The following AFAP1 variants were observed in gnomAD, a reference collection of about 807,000 sequenced individuals.
AFAP1 encodes the protein actin filament-associated protein 1.
Under a neutral mutation model 93.9 loss-of-function variants are expected in AFAP1, and 75 were observed. That is an observed-to-expected ratio of 0.80 (90% CI 0.66 to 0.97). The LOEUF is 0.97. AFAP1 is among the 50% of genes least tolerant of loss of function. The pLI is 0.00. For synonymous variants in AFAP1, 517 were observed against 430.7 expected, an observed-to-expected ratio of 1.20 and a Z score of -2.48; for missense variants, 1,201 against 1,050.8, an observed-to-expected ratio of 1.14 and a Z score of -1.98.
intron 7 of AFAP1, among the ~76,000 whole-genome samples, chr4:7,816,321 T>C (rs935602665): frequency 6.6e-6 from 1 of 152,170 alleles, no homozygotes; most frequent in Non-Finnish European, 1.5e-5. Context: ...AAAACCTCAC[T>C]GAGGCTATAA....
intron 14 of AFAP1, chr4:7,776,079 G>A (rs1290659684): frequency 6.6e-6 from 1 of 152,194 alleles, no homozygotes; most frequent in Non-Finnish European, 1.5e-5. Flanking sequence ...CTCGGATGGA[G>A]GATCACCGAT....
At chr4:7,914,613 A>G (rs1719968111) in intron 1 of AFAP1, among the ~76,000 whole-genome samples, 1 of 152,182 alleles carries the variant, frequency 6.6e-6, no homozygotes, top group African/African-American at 2.4e-5. Context: ...ACAGAGGTAC[A>G]GATGCCCCTC....
intron 1 of AFAP1, among the ~76,000 whole-genome samples, chr4:7,900,338 G>A (rs371356418): frequency 1.7e-4 from 1 of 6,022 alleles, no homozygotes; most frequent in East Asian, 2.0e-3. Context: ...TGCGCATCTA[G>A]CACATTTAGC....
intron 14 of AFAP1, 73 bp downstream of exon 14, chr4:7,778,689 G>T: frequency 6.9e-7 from 1 of 1,441,914 alleles, no homozygotes; most frequent in Non-Finnish European, 9.8e-7. Flanking sequence ...TCACGGGTGG[G>T]CAGGCTCAGA....
At chr4:7,891,246 A>G (rs1718451607) in intron 1 of AFAP1, among the ~76,000 whole-genome samples, 1 of 152,270 alleles carries the variant, frequency 6.6e-6, no homozygotes. Context: ...CAGGAAGCAG[A>G]TGAGCGGTTG....
At chr4:7,929,432 G>A (rs1720942166) in intron 1 of AFAP1, among the ~76,000 whole-genome samples, 1 of 152,188 alleles carries the variant, frequency 6.6e-6, no homozygotes, top group South Asian at 2.1e-4. Flanking sequence ...AGAGAATTCA[G>A]GAAAAGCTGA....
intron 11 of AFAP1, among the ~76,000 whole-genome samples, chr4:7,788,034 A>T (rs903965198): frequency 1.3e-5 from 2 of 152,142 alleles, no homozygotes; most frequent in African/African-American, 4.8e-5. Context: ...ACCGCCCTGC[A>T]TCTGCGTCCT....
intron 1 of AFAP1, among the ~76,000 whole-genome samples, chr4:7,918,927 A>AAACAGGGC (rs1720269682): frequency 6.7e-6 from 1 of 148,582 alleles, no homozygotes; most frequent in East Asian, 2.0e-4. Flanking sequence ...GGGCTGCCGG[A>AAACAGGGC]TGAGACACTC....
At chr4:7,789,947 T>C (rs1717714225) in intron 11 of AFAP1, among the ~76,000 whole-genome samples, 1 of 152,248 alleles carries the variant, frequency 6.6e-6, no homozygotes, top group Non-Finnish European at 1.5e-5. Flanking sequence ...ATGTTTCGAT[T>C]GTTTACCATT....
At chr4:7,937,339 A>G (rs967233440) in intron 1 of AFAP1, among the ~76,000 whole-genome samples, 1 of 152,248 alleles carries the variant, frequency 6.6e-6, no homozygotes, top group Non-Finnish European at 1.5e-5. Context: ...ATTTTTCTCT[A>G]CTATATTTGC....
chr4:7,886,366 A>G (rs1284822088), intron 1 of AFAP1, among the ~76,000 whole-genome samples: 3 of 152,230 alleles, frequency 2.0e-5, no homozygotes, highest in Non-Finnish European at 4.4e-5. Context: ...AATCAAATCT[A>G]TTTATAGCTC....
In AFAP1 at chr4:7,938,506, G is replaced by C. The variant is rs28621480; in HGVS notation, c.-3+1150C>G. ...GTGGCTGAGAAATACAGCGTCTGAG[G>C]GGCAGCATCAGGTCTTCCCATCAAG... On this transcript the variant is annotated intron_variant, in intron 1 of 17. Coordinates refer to ENST00000420658, the MANE Select transcript of AFAP1 (RefSeq NM_001134647.2). Among the ~76,000 whole-genome samples, 374 of 152,190 alleles carry C rather than the reference G, an allele frequency of 2.5e-3. 2 individuals are homozygous for C. The highest frequency in any genetic ancestry group is 8.5e-3 in the African/African-American group (351 of 41,528).
intron 6 of AFAP1, among the ~76,000 whole-genome samples, chr4:7,821,837 G>A (rs1158940315): frequency 2.0e-5 from 3 of 152,144 alleles, no homozygotes; most frequent in Admixed American, 2.0e-4. Flanking sequence ...CAGCCATTTT[G>A]CTCCTCAGCT....
intron 6 of AFAP1, among the ~76,000 whole-genome samples, chr4:7,831,625 TTCA>T (rs1189968518): frequency 6.6e-6 from 1 of 152,180 alleles, no homozygotes; most frequent in Non-Finnish European, 1.5e-5. Context: ...CCAGGATGAC[TTCA>T]TGTCAGACCA....
At chr4:7,800,146 C>T (rs1718883554) in intron 10 of AFAP1, among the ~76,000 whole-genome samples, 1 of 152,126 alleles carries the variant, frequency 6.6e-6, no homozygotes, top group South Asian at 2.1e-4. Context: ...TTTAATTTCC[C>T]TGCAACCAGG....
chr4:7,813,326 A>G (rs1166247133), intron 8 of AFAP1, among the ~76,000 whole-genome samples: 1 of 152,228 alleles, frequency 6.6e-6, no homozygotes, highest in African/African-American at 2.4e-5. Context: ...TCCAGTAACT[A>G]ACGAGCGTCT....
chr4:7,819,318 G>C (rs1720762676), intron 6 of AFAP1, 147 bp from the exon 7 acceptor site: 3 of 621,130 alleles, frequency 4.8e-6, no homozygotes, highest in South Asian at 5.6e-5. Flanking sequence ...AGCGTGCCAG[G>C]TACTCATTTG....
At chr4:7,929,272 C>G (rs1470459590) in intron 1 of AFAP1, among the ~76,000 whole-genome samples, 1 of 152,162 alleles carries the variant, frequency 6.6e-6, no homozygotes, top group Non-Finnish European at 1.5e-5. Flanking sequence ...GATGTCCAAA[C>G]AGGTGGACAC....
chr4:7,872,955 A>C (rs1367187505), intron 1 of AFAP1, among the ~76,000 whole-genome samples: 2 of 150,062 alleles, frequency 1.3e-5, no homozygotes, highest in South Asian at 2.1e-4. Flanking sequence ...AAAAAAAAAA[A>C]AAAAACTACT....
Sources: gnomAD v4.1 joint callset for allele counts (sites outside exome capture counted in the v4.1 genomes callset) on GRCh38, gnomAD v4.1.1 for gene constraint, MANE v1.5 for transcripts, NCBI Gene and HGNC (gene_info 2026-07-23, HGNC 2026-07-21) for gene names.